UNC79: variants seen among roughly 807,000 people sequenced by gnomAD.
UNC79 encodes the protein protein unc-79 homolog.
UNC79 carries 37 observed loss-of-function variants against 283.1 expected under a neutral mutation model. The ratio of observed to expected loss-of-function variants is 0.13; its 90% CI spans 0.10 to 0.17. The LOEUF (loss-of-function observed/expected upper bound fraction) is 0.17, where lower values mean the gene tolerates loss of function less well. Ranked by LOEUF, UNC79 falls within the 10% of genes least tolerant of loss-of-function variation. The pLI, the probability that UNC79 is intolerant of heterozygous loss-of-function variation, is 1.00. For missense variants in UNC79, 2,272 were observed against 3,211.1 expected (o/e 0.71, Z 7.07); for synonymous variants, 1,107 against 1,200.2 (o/e 0.92, Z 1.61).
rs1309428458 is a variant in UNC79, at chr14:93,357,725, A to G, written c.-351+24202A>G. On this transcript the variant is annotated intron_variant, in intron 1 of 49. Transcript: ENST00000256339. Reference sequence around the variant, plus strand: ...TATATATATATATATATATATGGATATATGGATGTATATATATATATGGAT... The same window carrying G: ...TATATATATATATATATATATGGATGTATGGATGTATATATATATATGGAT... Among the ~76,000 whole-genome samples the G allele has an allele frequency of 4.7e-5, 6 of 128,032 alleles. 1 individual carries two copies. The South Asian group carries it at 7.3e-4, about 16-fold the overall frequency. The allele number at this position is 128,032 out of a possible 152,430, so 84.0% of individuals were successfully genotyped here.
At position 93,373,336 on chromosome 14, in the gene UNC79, G is replaced by A. The variant is rs998746538; in HGVS notation, c.-351+39813G>A. ...GAAATTGAAACAGGAAATTAATAAA[G>A]TCAACAAAACCAAAAGCTGGTTCCT... On this transcript the variant is annotated intron_variant, in intron 1 of 49. Coordinates refer to the UNC79 transcript ENST00000256339. Among the ~76,000 whole-genome samples, 7 of 151,816 alleles carry A rather than the reference G, an allele frequency of 4.6e-5. No individual in the cohort carries two copies. In the East Asian group the frequency reaches 1.3e-3, roughly 29 times the overall value.
At chr14:93,526,080 A>T (rs2060532446) in intron 8 of UNC79, among the ~76,000 whole-genome samples, 1 of 152,230 alleles carries the variant, frequency 6.6e-6, no homozygotes, top group Non-Finnish European at 1.5e-5. Flanking sequence ...AATGTTTGCC[A>T]ACACCACCTC....
chr14:93,365,682 G>A (rs1833459395), intron 1 of UNC79, among the ~76,000 whole-genome samples: 1 of 152,142 alleles, frequency 6.6e-6, no homozygotes, highest in Admixed American at 6.5e-5. Context: ...CAAATTAGCT[G>A]CCAGAGTAAG....
chr14:93,554,155 C>T (rs1221163759), intron 14 of UNC79, among the ~76,000 whole-genome samples: 1 of 152,096 alleles, frequency 6.6e-6, no homozygotes, highest in Non-Finnish European at 1.5e-5. Flanking sequence ...TGAGACCAGC[C>T]TGGCCAACAC....
chr14:93,565,441 C>T (rs1162682452), intron 14 of UNC79, among the ~76,000 whole-genome samples: 1 of 152,176 alleles, frequency 6.6e-6, no homozygotes, highest in Non-Finnish European at 1.5e-5. Flanking sequence ...GCTAAATCCT[C>T]TGGTTTGGGT....
At chr14:93,530,641 G>A (rs2060769006) in intron 10 of UNC79, among the ~76,000 whole-genome samples, 1 of 151,838 alleles carries the variant, frequency 6.6e-6, no homozygotes, top group Non-Finnish European at 1.5e-5. Flanking sequence ...CGGGCGCGGT[G>A]GCTCACGCCT....
In UNC79 at chr14:93,621,179, T is replaced by C. The variant is rs2067103692; in HGVS notation, c.4388-442T>C. On this transcript the variant is annotated intron_variant, in intron 29 of 48. Coordinates refer to ENST00000555664, the Ensembl canonical transcript of UNC79. This position sits in a 1 kb window ranked among gnomAD's most constrained non-coding sequence, Gnocchi z 4.8. Reference sequence around the variant, plus strand: ...TATATATGTATGCACAAACAGTATATATATATACACATTTATATATATACG... The same window carrying C: ...TATATATGTATGCACAAACAGTATACATATATACACATTTATATATATACG... The C allele has an allele frequency of 3.0e-6, 1 of 329,066 alleles. No individual in the cohort carries two copies. The highest frequency in any genetic ancestry group is 2.1e-5 in the African/African-American group (1 of 46,672). 20.4% of individuals were successfully genotyped at this position (329,066 alleles called of 1,614,324 possible). A position where few individuals can be genotyped will look rare whatever the true frequency, so the allele number is the denominator to read the frequency against.
At chr14:93,640,511 C>G (rs1022682116) in intron 32 of UNC79, among the ~76,000 whole-genome samples, 2 of 152,134 alleles carry the variant, frequency 1.3e-5, no homozygotes, top group Admixed American at 1.3e-4. Context: ...GCCTGTAGCC[C>G]CAGCCACTTG....
intron 1 of UNC79, among the ~76,000 whole-genome samples, chr14:93,437,813 C>T (rs1279383379): frequency 6.6e-6 from 1 of 152,108 alleles, no homozygotes; most frequent in Non-Finnish European, 1.5e-5. Flanking sequence ...GTATCCAAAC[C>T]TCTCTCTCCT....
Position 93,695,890 on chromosome 14 carries a change from C to CAAAAAAAAAAAAA in UNC79, c.7548+1486_7548+1498dup, listed in dbSNP as rs535235954. 4.7e-3 allele frequency among the ~76,000 whole-genome samples: 186 copies of CAAAAAAAAAAAAA among 39,396 alleles called. 18 individuals carry two copies. Among genetic ancestry groups the CAAAAAAAAAAAAA allele is most frequent in the African/African-American group, 0.015 (144 of 9,416 alleles). 25.8% of individuals were successfully genotyped at this position (39,396 alleles called of 152,430 possible). On this transcript the variant is annotated intron_variant, in intron 47 of 48. Transcript: ENST00000555664. ...TGGGCAACAGGATGAGACTTTGTCT[C>CAAAAAAAAAAAAA]AAAAAAAAAAAAAAAAAAAAGCAAA... is the stretch of plus-strand genomic sequence containing the variant.
intron 30 of UNC79, 133 bp from the exon 33 acceptor site, chr14:93,630,668 A>G (rs2067955158): frequency 3.0e-6 from 2 of 657,924 alleles, no homozygotes; most frequent in Non-Finnish European, 5.2e-6. Flanking sequence ...ATTCCATGAA[A>G]GTAATTATTA....
At chr14:93,583,475 T>G (rs2063971716) in intron 20 of UNC79, among the ~76,000 whole-genome samples, 1 of 152,240 alleles carries the variant, frequency 6.6e-6, no homozygotes, top group South Asian at 2.1e-4. Flanking sequence ...AGGTGTCTTA[T>G]TCAAACGAAG....
At chr14:93,506,626 T>C (rs2059557199) in intron 7 of UNC79, among the ~76,000 whole-genome samples, 2 of 152,214 alleles carry the variant, frequency 1.3e-5, no homozygotes, top group South Asian at 4.1e-4. Flanking sequence ...TTTACTATGA[T>C]ATATCTAGTT....
intron 4 of UNC79, among the ~76,000 whole-genome samples, chr14:93,485,021 C>T (rs2058340118): frequency 6.6e-6 from 1 of 152,086 alleles, no homozygotes; most frequent in African/African-American, 2.4e-5. Context: ...GACATGTGGG[C>T]ATCTTTCCTA....
chr14:93,541,211 C>T (rs139460359), intron 13 of UNC79, among the ~76,000 whole-genome samples: 1 of 152,274 alleles, frequency 6.6e-6, no homozygotes, highest in African/African-American at 2.4e-5. Flanking sequence ...CACATCCCAT[C>T]ACCTATGTAG....
In UNC79 at chr14:93,694,331, T is replaced by G. The variant is rs376103988; in HGVS notation, c.7471-4T>G. 2.5e-6 allele frequency: 4 copies of G among 1,607,342 alleles called. No homozygotes were observed. In the African/African-American group the frequency reaches 5.3e-5, roughly 21 times the overall value. The stretch of plus-strand genomic sequence containing the variant: ...GGAATTAACTTTCATGTTTGTTGTT[T>G]CAGATGGTAGAAATGGTGTGTCTCC... On this transcript the variant is annotated splice_polypyrimidine_tract_variant and splice_region_variant and intron_variant, in intron 46 of 48. Transcript: ENST00000555664.
intron 20 of UNC79, among the ~76,000 whole-genome samples, chr14:93,584,307 A>T (rs2064054167): frequency 6.6e-6 from 1 of 152,234 alleles, no homozygotes; most frequent in Non-Finnish European, 1.5e-5. Context: ...CCAGAGCTGT[A>T]ACGGAACATC....
chr14:93,443,044 C>A (rs1179750102), intron 1 of UNC79, among the ~76,000 whole-genome samples: 1 of 151,924 alleles, frequency 6.6e-6, no homozygotes, highest in Non-Finnish European at 1.5e-5. Context: ...GCCAACATGG[C>A]AAAACCCTAT....
chr14:93,665,350 A>G (rs939058080), intron 40 of UNC79, among the ~76,000 whole-genome samples: 10 of 151,778 alleles, frequency 6.6e-5, no homozygotes, highest in African/African-American at 7.2e-5. Context: ...CAAAGAGAGA[A>G]TTGGTGAAAT....
Sources: allele counts gnomAD v4.1 joint callset (sites outside exome capture counted in the v4.1 genomes callset), GRCh38; gene constraint gnomAD v4.1.1; non-coding constraint Gnocchi (gnomAD v3.1); transcripts MANE v1.5; gene names NCBI Gene and HGNC (gene_info 2026-07-23, HGNC 2026-07-21).